Variants in RNF150 observed in about 807,000 individuals in gnomAD.
RNF150 encodes ring finger protein 150.
Under a neutral mutation model 39.3 loss-of-function variants are expected in RNF150, and 24 were observed. The ratio of observed to expected loss-of-function variants is 0.61; its 90% CI spans 0.44 to 0.86. The LOEUF is 0.86. Among genes scored for constraint, RNF150 ranks in the 40% least tolerant of loss-of-function variants. RNF150 has a pLI of 0.00. For synonymous variants in RNF150, 255 were observed against 227.3 expected, an observed-to-expected ratio of 1.12 and a Z score of -1.10; for missense variants, 502 against 587.8, an observed-to-expected ratio of 0.85 and a Z score of 1.51.
intron 2 of RNF150, among the ~76,000 whole-genome samples, chr4:140,959,700 C>T (rs1328437399): frequency 1.3e-5 from 2 of 152,144 alleles, no homozygotes; most frequent in Non-Finnish European, 2.9e-5. Flanking sequence ...TGTCCTTGGT[C>T]TTTGCAAATC....
In RNF150 at chr4:141,089,042, C is replaced by T. The variant is rs546751014; in HGVS notation, c.484+43283G>A. ...CGACCTAACCTCTTTGAAGATTGGT[C>T]TCTAGGAAGGCAATGTCCAGTGAGG... On this transcript the variant is annotated intron_variant, in intron 1 of 6. Coordinates refer to ENST00000515673, the MANE Select transcript of RNF150 (RefSeq NM_020724.2). 4.6e-5 allele frequency among the ~76,000 whole-genome samples: 7 copies of T among 152,264 alleles called. No individual in the cohort carries two copies. The East Asian group carries it at 9.7e-4, about 21-fold the overall frequency.
chr4:141,023,334 C>T (rs368303614), intron 1 of RNF150, among the ~76,000 whole-genome samples: 1 of 152,034 alleles, frequency 6.6e-6, no homozygotes, highest in South Asian at 2.1e-4. Flanking sequence ...CAATCTCTGC[C>T]TCCTGGGTTC....
intron 1 of RNF150, among the ~76,000 whole-genome samples, chr4:141,078,712 C>T (rs1018974334): frequency 6.8e-6 from 1 of 147,824 alleles, no homozygotes; most frequent in Non-Finnish European, 1.5e-5. Context: ...ACGGCGTGAA[C>T]CCAGGCGGTG....
chr4:141,100,672 G>A (rs1738975350), intron 1 of RNF150, among the ~76,000 whole-genome samples: 1 of 152,198 alleles, frequency 6.6e-6, no homozygotes, highest in African/African-American at 2.4e-5. Context: ...TACGTCATGT[G>A]TTGCATAACA....
chr4:141,141,283 G>C (rs1251135725), intron 1 of RNF150, among the ~76,000 whole-genome samples: 1 of 152,154 alleles, frequency 6.6e-6, no homozygotes, highest in Non-Finnish European at 1.5e-5. Context: ...GATGTTTAAA[G>C]ACCTCTCAAA....
intron 6 of RNF150, among the ~76,000 whole-genome samples, chr4:140,899,974 C>CTCTCTCTCTGTGTGTGTGTGTGTGTG (rs1365683071): frequency 1.4e-5 from 1 of 69,166 alleles, no homozygotes; most frequent in African/African-American, 4.3e-5. Flanking sequence ...CTCTCTCTCT[C>CTCTCTCTCTGTGTGTGTGTGTGTGTG]TGTGTGTGTG....
intron 1 of RNF150, among the ~76,000 whole-genome samples, chr4:141,126,423 A>C (rs553720649): frequency 6.6e-6 from 1 of 152,316 alleles, no homozygotes. Context: ...TTCCATTTCT[A>C]AACACTTCTA....
At chr4:141,093,675 T>C (rs1032088057) in intron 1 of RNF150, among the ~76,000 whole-genome samples, 1 of 152,112 alleles carries the variant, frequency 6.6e-6, no homozygotes, top group Non-Finnish European at 1.5e-5. Context: ...AGCAAATCCA[T>C]ATTCTCCTAG....
intron 2 of RNF150, among the ~76,000 whole-genome samples, chr4:140,961,920 T>C (rs1733041642): frequency 1.3e-5 from 2 of 152,080 alleles, no homozygotes; most frequent in Admixed American, 6.6e-5. Context: ...AGTAACATAA[T>C]GATTGAAGTC....
intron 1 of RNF150, among the ~76,000 whole-genome samples, chr4:141,106,070 T>G (rs570466898): frequency 1.3e-5 from 2 of 152,350 alleles, no homozygotes; most frequent in South Asian, 2.1e-4. Context: ...ATAAACTGTT[T>G]CCTTTTCTCA....
intron 4 of RNF150, among the ~76,000 whole-genome samples, chr4:140,929,748 G>A (rs1235131172): frequency 2.0e-5 from 3 of 152,088 alleles, no homozygotes. Flanking sequence ...TTGCTATGAA[G>A]GCATTTTGTA....
chr4:140,957,334 A>C (rs1474712079), intron 2 of RNF150, among the ~76,000 whole-genome samples: 2 of 152,010 alleles, frequency 1.3e-5, no homozygotes. Flanking sequence ...AGAAATGCAA[A>C]TCAAAACCAC....
At chr4:141,004,721 G>A (rs544064348) in intron 1 of RNF150, among the ~76,000 whole-genome samples, 1 of 152,198 alleles carries the variant, frequency 6.6e-6, no homozygotes, top group South Asian at 2.1e-4. Flanking sequence ...TTTATAAGAA[G>A]TTGTCTTTGA....
In RNF150 at chr4:140,926,046, G is replaced by A. The variant is rs772420540; in HGVS notation, c.918C>T (p.Asp306=). The A allele has an allele frequency of 1.9e-6, 3 of 1,613,866 alleles. No individual in the cohort carries two copies. The South Asian group carries it at 3.3e-5, about 18-fold the overall frequency. Residue 306 remains aspartate, a synonymous_variant, in exon 5 of 7, where the codon GAC becomes GAT. Transcript: ENST00000515673. ...AGGTACGATGGTCTAGAAGCCAGGG[G>A]TCAACACAGGACTTGTGGAAAAGAT... ...CRHLFHKSCV[D]PWLLDHRTCP... is the part of the protein sequence containing the mutation.
intron 2 of RNF150, among the ~76,000 whole-genome samples, chr4:140,952,008 A>G (rs970865238): frequency 2.6e-5 from 4 of 152,026 alleles, no homozygotes; most frequent in African/African-American, 7.2e-5. Flanking sequence ...TCAAAGGGAA[A>G]TAATTTTTTT....
At chr4:141,038,912 C>G (rs1736251270) in intron 1 of RNF150, among the ~76,000 whole-genome samples, 1 of 151,968 alleles carries the variant, frequency 6.6e-6, no homozygotes, top group African/African-American at 2.4e-5. Flanking sequence ...AATAGCCTCA[C>G]AGAGGAGCCA....
At chr4:140,960,731 G>C (rs1290478522) in intron 2 of RNF150, among the ~76,000 whole-genome samples, 1 of 151,974 alleles carries the variant, frequency 6.6e-6, no homozygotes, top group South Asian at 2.1e-4. Flanking sequence ...ATTCCATTTT[G>C]TTTCAAAGTG....
At chr4:141,120,858 T>G (rs947671375) in intron 1 of RNF150, among the ~76,000 whole-genome samples, 1 of 152,134 alleles carries the variant, frequency 6.6e-6, no homozygotes, top group Non-Finnish European at 1.5e-5. Flanking sequence ...GAGGAGTGAT[T>G]GCCTTTGATT....
intron 1 of RNF150, among the ~76,000 whole-genome samples, chr4:141,197,469 C>A (rs1366282662): frequency 6.6e-6 from 1 of 152,102 alleles, no homozygotes; most frequent in Non-Finnish European, 1.5e-5. Context: ...TTAAGATAAA[C>A]CATTTTCAGA....
Sources: gnomAD v4.1 joint callset for allele counts (sites outside exome capture counted in the v4.1 genomes callset) on GRCh38, gnomAD v4.1.1 for gene constraint, MANE v1.5 for transcripts, NCBI Gene and HGNC (gene_info 2026-07-23, HGNC 2026-07-21) for gene names.